H3C3: variants seen among roughly 807,000 people sequenced by gnomAD.
The protein encoded by H3C3 is H3 clustered histone 3.
In H3C3, 14 loss-of-function variants were observed where a neutral mutation model predicts 7.7. The observed-to-expected ratio is 1.81, with a 90% CI of 1.20 to 2.83. The LOEUF is 2.83. Ranked by LOEUF, H3C3 falls within the 30% of genes most tolerant of loss-of-function variation. The pLI, the probability that H3C3 is intolerant of heterozygous loss-of-function variation, is 0.00. For missense variants in H3C3, 205 were observed against 191.2 expected (o/e 1.07, Z -0.43); for synonymous variants, 178 against 77.1 (o/e 2.31, Z -6.86).
Position 26,045,590 on chromosome 6 carries a change from G to C in H3C3, c.180G>C (p.Glu60Asp). 1 of 1,614,266 alleles carries C rather than the reference G, an allele frequency of 6.2e-7. No individual in the cohort carries two copies. The highest frequency in any genetic ancestry group is 8.5e-7 in the Non-Finnish European group (1 of 1,180,042). ...TCCGTCGCTACCAGAAGTCCACCGA[G>C]CTGCTGATCCGGAAGCTGCCGTTCC... ...REIRRYQKST[E>D]LLIRKLPFQR... The change falls in exon 1 of 1, where the codon GAG becomes GAC. Residue 60 changes from glutamate to aspartate, a missense_variant. Physicochemically the swap from Glu to Asp is conservative, Grantham distance 45. Transcript: ENST00000612966.
In H3C3 at chr6:26,045,857, T is replaced by A. The variant is rs374021198; in HGVS notation, c.*36T>A. ...TTCTTCCTCATTGAAAAGGCTCTTT[T>A]CAGAGCCACTCACAATTTCACTTAA... On this transcript the variant is annotated 3_prime_UTR_variant, in exon 1 of 1. Transcript: ENST00000612966. The A allele has an allele frequency of 1.3e-6, 2 of 1,576,092 alleles. No individual in the cohort carries two copies. Among genetic ancestry groups the A allele is most frequent in the Admixed American group, 3.6e-5 (2 of 55,008 alleles).
chr6:26,045,658 T>A lies in H3C3; in HGVS notation c.248T>A (p.Leu83Gln). 1 of 1,614,226 alleles carries A rather than the reference T, an allele frequency of 6.2e-7. No individual in the cohort carries two copies. Among genetic ancestry groups the A allele is most frequent in the Non-Finnish European group, 8.5e-7 (1 of 1,180,042 alleles). Reference protein sequence around the residue: ...REIAQDFKTDLRFQSSAVMAL... With the variant: ...REIAQDFKTDQRFQSSAVMAL... Reference sequence around the variant, plus strand: ...ATCGCCCAGGACTTCAAAACCGACCTGCGTTTCCAGAGCTCTGCGGTGATG... The same window carrying A: ...ATCGCCCAGGACTTCAAAACCGACCAGCGTTTCCAGAGCTCTGCGGTGATG... Residue 83 changes from leucine (L) to glutamine (Q), a missense_variant, in exon 1 of 1, where the codon CTG becomes CAG. Coordinates refer to ENST00000612966, the MANE Select transcript of H3C3 (RefSeq NM_003531.3).
In H3C3 at chr6:26,045,400, T is replaced by C. The variant is rs1283366105; in HGVS notation, c.-11T>C. 3 of 1,595,824 alleles carry C rather than the reference T, an allele frequency of 1.9e-6. No individual in the cohort carries two copies. The highest frequency in any genetic ancestry group is 2.6e-6 in the Non-Finnish European group (3 of 1,175,560). On this transcript the variant is annotated 5_prime_UTR_variant, in exon 1 of 1. Transcript: ENST00000612966. ...CAGTTCACTACACTTTTGTGTGTGCTCTCATTGCAAATGGCTCGTACGAAG... is the reference window on the plus strand; with the variant it reads ...CAGTTCACTACACTTTTGTGTGTGCCCTCATTGCAAATGGCTCGTACGAAG...
Position 26,045,600 on chromosome 6 carries a change from C to T in H3C3, c.190C>T (p.Arg64Trp), listed in dbSNP as rs767531748. The T allele has an allele frequency of 3.1e-6, 5 of 1,614,136 alleles. No individual in the cohort carries two copies. Among genetic ancestry groups the T allele is most frequent in the Admixed American group, 1.7e-5 (1 of 60,012 alleles). ...RYQKSTELLIRKLPFQRLVRE... is the reference protein window; with the variant it reads ...RYQKSTELLIWKLPFQRLVRE... ...CCAGAAGTCCACCGAGCTGCTGATCCGGAAGCTGCCGTTCCAGCGCCTGGT... is the reference window on the plus strand; with the variant it reads ...CCAGAAGTCCACCGAGCTGCTGATCTGGAAGCTGCCGTTCCAGCGCCTGGT... Residue 64 changes from arginine to tryptophan, a missense_variant, in exon 1 of 1, where the codon CGG (arginine) becomes TGG (tryptophan). Arg to Trp is a moderately radical substitution (Grantham distance 101). Coordinates refer to ENST00000612966, the MANE Select transcript of H3C3 (RefSeq NM_003531.3).
At position 26,045,587 on chromosome 6, in the gene H3C3, CG is replaced by C; in HGVS notation, c.178del (p.Glu60SerfsTer3). The stretch of plus-strand genomic sequence containing the variant: ...AAATCCGTCGCTACCAGAAGTCCAC[CG>C]AGCTGCTGATCCGGAAGCTGCCGTT... ...REIRRYQKST[E>X]LLIRKLPFQR... On this transcript the variant is annotated frameshift_variant, in exon 1 of 1. Transcript: ENST00000612966. LOFTEE classifies it high-confidence loss of function. 6.2e-7 allele frequency: 1 copy of C among 1,614,252 alleles called. No homozygotes were observed. Among genetic ancestry groups the C allele is most frequent in the Non-Finnish European group, 8.5e-7 (1 of 1,180,040 alleles).
At position 26,045,551 on chromosome 6, in the gene H3C3, G is replaced by C. The variant is rs748237932; in HGVS notation, c.141G>C (p.Val47=). The C allele has an allele frequency of 1.9e-6, 3 of 1,613,958 alleles. No individual in the cohort carries two copies. Among genetic ancestry groups the C allele is most frequent in the Non-Finnish European group, 2.5e-6 (3 of 1,179,936 alleles). Residue 47 remains valine (V), a synonymous_variant, in exon 1 of 1, where the codon GTG becomes GTC. Transcript: ENST00000612966. ...CTCATCGCTACCGCCCGGGCACCGT[G>C]GCCTTGCGCGAAATCCGTCGCTACC... ...KKPHRYRPGT[V]ALREIRRYQK...
rs1156921470 is a variant in H3C3 at position 26,045,840 on chromosome 6, C to A, written c.*19C>A. 3 of 1,607,024 alleles carry A rather than the reference C, an allele frequency of 1.9e-6. No homozygotes were observed. The highest frequency in any genetic ancestry group is 1.7e-6 in the Non-Finnish European group (2 of 1,177,608). The stretch of plus-strand genomic sequence containing the variant: ...GGCATAAGTCTGCCCGTTTCTTCCT[C>A]ATTGAAAAGGCTCTTTTCAGAGCCA... On this transcript the variant is annotated 3_prime_UTR_variant, in exon 1 of 1. Coordinates refer to ENST00000612966, the MANE Select transcript of H3C3 (RefSeq NM_003531.3).
rs756032161 is a variant in H3C3, at chr6:26,045,606, C to T, written c.196C>T (p.Leu66=). The T allele has an allele frequency of 5.0e-6, 8 of 1,614,266 alleles. No individual in the cohort carries two copies. Among genetic ancestry groups the T allele is most frequent in the Non-Finnish European group, 5.1e-6 (6 of 1,180,052 alleles). Residue 66 remains leucine, a synonymous_variant, in exon 1 of 1, where the codon CTG becomes TTG. Coordinates refer to ENST00000612966, the MANE Select transcript of H3C3 (RefSeq NM_003531.3). ...QKSTELLIRK[L]PFQRLVREIA... is the part of the protein sequence containing the mutation. ...GTCCACCGAGCTGCTGATCCGGAAG[C>T]TGCCGTTCCAGCGCCTGGTGCGAGA...
chr6:26,045,404 A>T lies in H3C3; in HGVS notation c.-7A>T. On this transcript the variant is annotated 5_prime_UTR_variant, in exon 1 of 1. Coordinates refer to ENST00000612966, the MANE Select transcript of H3C3 (RefSeq NM_003531.3). ...TCACTACACTTTTGTGTGTGCTCTC[A>T]TTGCAAATGGCTCGTACGAAGCAAA... 1 of 1,597,150 alleles carries T rather than the reference A, an allele frequency of 6.3e-7. No individual in the cohort carries two copies. Among genetic ancestry groups the T allele is most frequent in the Non-Finnish European group, 8.5e-7 (1 of 1,175,954 alleles).
chr6:26,045,424 A>G lies in H3C3; in HGVS notation c.14A>G (p.Lys5Arg). 6.2e-7 allele frequency: 1 copy of G among 1,608,238 alleles called. No individual in the cohort carries two copies. Among genetic ancestry groups the G allele is most frequent in the Non-Finnish European group, 8.5e-7 (1 of 1,178,668 alleles). MART[K>R]QTARKSTGGK... ...CTCTCATTGCAAATGGCTCGTACGA[A>G]GCAAACAGCTCGCAAGTCTACCGGC... is the stretch of plus-strand genomic sequence containing the variant. Residue 5 changes from lysine to arginine, a missense_variant, in exon 1 of 1, where the codon AAG (lysine) becomes AGG (arginine). By Grantham distance (26) the Lys-to-Arg change is conservative. Transcript: ENST00000612966.
rs1314785983 is a variant in H3C3 at position 26,045,443 on chromosome 6, T to C, written c.33T>C (p.Ser11=). 1 of 1,610,364 alleles carries C rather than the reference T, an allele frequency of 6.2e-7. No individual in the cohort carries two copies. Among genetic ancestry groups the C allele is most frequent in the Non-Finnish European group, 8.5e-7 (1 of 1,179,168 alleles). Residue 11 remains serine, a synonymous_variant, in exon 1 of 1, where the codon TCT becomes TCC. Coordinates refer to ENST00000612966, the MANE Select transcript of H3C3 (RefSeq NM_003531.3). ...GTACGAAGCAAACAGCTCGCAAGTC[T>C]ACCGGCGGCAAAGCTCCGCGCAAGC... MARTKQTARK[S]TGGKAPRKQL...
In H3C3 at chr6:26,045,752, C is replaced by T. The variant is rs1170509455; in HGVS notation, c.342C>T (p.His114=). 5 of 1,614,142 alleles carry T rather than the reference C, an allele frequency of 3.1e-6. No homozygotes were observed. The highest frequency in any genetic ancestry group is 2.7e-5 in the African/African-American group (2 of 74,954). Residue 114 remains histidine, a synonymous_variant, in exon 1 of 1, where the codon CAC becomes CAT. Transcript: ENST00000612966. Reference sequence around the variant, plus strand: ...AAGACACCAATCTGTGCGCTATTCACGCTAAACGCGTCACCATCATGCCCA... The same window carrying T: ...AAGACACCAATCTGTGCGCTATTCATGCTAAACGCGTCACCATCATGCCCA... ...LFEDTNLCAI[H]AKRVTIMPKD... is the part of the protein sequence containing the mutation.
Position 26,045,539 on chromosome 6 carries a change from C to A in H3C3, c.129C>A (p.Arg43=). The change falls in exon 1 of 1, where the codon CGC becomes CGA. Residue 43 remains arginine, a synonymous_variant. Coordinates refer to ENST00000612966, the MANE Select transcript of H3C3 (RefSeq NM_003531.3). The stretch of plus-strand genomic sequence containing the variant: ...GCGTGAAGAAACCTCATCGCTACCG[C>A]CCGGGCACCGTGGCCTTGCGCGAAA... ...TGGVKKPHRY[R]PGTVALREIR... 1 of 1,614,074 alleles carries A rather than the reference C, an allele frequency of 6.2e-7. No homozygotes were observed. The highest frequency in any genetic ancestry group is 1.1e-5 in the South Asian group (1 of 91,090).
Position 26,045,776 on chromosome 6 carries a change from C to A in H3C3, c.366C>A (p.Pro122=). 1.2e-6 allele frequency: 2 copies of A among 1,614,238 alleles called. No homozygotes were observed. The highest frequency in any genetic ancestry group is 1.1e-5 in the South Asian group (1 of 91,090). ...ACGCTAAACGCGTCACCATCATGCCCAAAGATATCCAGCTGGCACGTCGCA... is the reference window on the plus strand; with the variant it reads ...ACGCTAAACGCGTCACCATCATGCCAAAAGATATCCAGCTGGCACGTCGCA... ...AIHAKRVTIM[P]KDIQLARRIR... The change falls in exon 1 of 1, where the codon CCC becomes CCA. Residue 122 remains proline (P), a synonymous_variant. Coordinates refer to ENST00000612966, the MANE Select transcript of H3C3 (RefSeq NM_003531.3).
In H3C3 at chr6:26,045,823, TC is replaced by T; in HGVS notation, c.*3del. 1.2e-6 allele frequency: 2 copies of T among 1,612,286 alleles called. No individual in the cohort carries two copies. The highest frequency in any genetic ancestry group is 1.7e-6 in the Non-Finnish European group (2 of 1,179,592). On this transcript the variant is annotated 3_prime_UTR_variant, in exon 1 of 1. Transcript: ENST00000612966. ...CGCATCCGTGGGGAAAGGGCATAAG[TC>T]TGCCCGTTTCTTCCTCATTGAAAAG...
chr6:26,045,479 T>A lies in H3C3; in HGVS notation c.69T>A (p.Thr23=). 3 of 1,612,414 alleles carry A rather than the reference T, an allele frequency of 1.9e-6. No individual in the cohort carries two copies. The highest frequency in any genetic ancestry group is 1.1e-5 in the South Asian group (1 of 90,950). Residue 23 remains threonine, a synonymous_variant, in exon 1 of 1, where the codon ACT becomes ACA. Transcript: ENST00000612966. The part of the protein sequence containing the change: ...GGKAPRKQLA[T]KAARKSAPAT... ...AAGCTCCGCGCAAGCAGCTTGCTAC[T>A]AAAGCAGCCCGTAAGAGCGCTCCGG...
rs1418806672 is a variant in H3C3, at chr6:26,045,409, A to G, written c.-2A>G. The G allele has an allele frequency of 6.2e-7, 1 of 1,600,514 alleles. No homozygotes were observed. The highest frequency in any genetic ancestry group is 1.8e-5 in the Admixed American group (1 of 54,270). On this transcript the variant is annotated 5_prime_UTR_variant, in exon 1 of 1. Coordinates refer to ENST00000612966, the MANE Select transcript of H3C3 (RefSeq NM_003531.3). ...ACACTTTTGTGTGTGCTCTCATTGC[A>G]AATGGCTCGTACGAAGCAAACAGCT...
At position 26,045,502 on chromosome 6, in the gene H3C3, C is replaced by T. The variant is rs1422878610; in HGVS notation, c.92C>T (p.Pro31Leu). The T allele has an allele frequency of 6.2e-7, 1 of 1,612,770 alleles. No homozygotes were observed. The highest frequency in any genetic ancestry group is 2.2e-5 in the East Asian group (1 of 44,896). The change falls in exon 1 of 1, where the codon CCG becomes CTG. Residue 31 changes from proline (P) to leucine (L), a missense_variant. Pro to Leu is a moderately conservative substitution (Grantham distance 98). Coordinates refer to ENST00000612966, the MANE Select transcript of H3C3 (RefSeq NM_003531.3). ...ACTAAAGCAGCCCGTAAGAGCGCTC[C>T]GGCCACCGGTGGCGTGAAGAAACCT... Reference protein sequence around the residue: ...LATKAARKSAPATGGVKKPHR... With the variant: ...LATKAARKSALATGGVKKPHR...
chr6:26,045,554 C>G lies in H3C3; in HGVS notation c.144C>G (p.Ala48=). The change falls in exon 1 of 1, where the codon GCC becomes GCG. Residue 48 remains alanine, a synonymous_variant. Coordinates refer to ENST00000612966, the MANE Select transcript of H3C3 (RefSeq NM_003531.3). Reference sequence around the variant, plus strand: ...ATCGCTACCGCCCGGGCACCGTGGCCTTGCGCGAAATCCGTCGCTACCAGA... The same window carrying G: ...ATCGCTACCGCCCGGGCACCGTGGCGTTGCGCGAAATCCGTCGCTACCAGA... ...KPHRYRPGTV[A]LREIRRYQKS... is the part of the protein sequence containing the mutation. 1 of 1,614,128 alleles carries G rather than the reference C, an allele frequency of 6.2e-7. No homozygotes were observed. Among genetic ancestry groups the G allele is most frequent in the Non-Finnish European group, 8.5e-7 (1 of 1,179,950 alleles).
Sources: allele counts gnomAD v4.1 joint callset, GRCh38; gene constraint gnomAD v4.1.1; transcripts MANE v1.5; gene names NCBI Gene and HGNC (gene_info 2026-07-23, HGNC 2026-07-21).